The following NRG1 variants were observed in gnomAD, a reference collection of about 807,000 sequenced individuals.
NRG1 encodes the protein pro-neuregulin-1, membrane-bound isoform.
A neutral mutation model predicts 63.8 loss-of-function variants in NRG1; 18 were observed. The ratio of observed to expected loss-of-function variants is 0.28; its 90% CI spans 0.19 to 0.42. The LOEUF is 0.42. Among genes scored for constraint, NRG1 ranks in the 10% least tolerant of loss-of-function variants. NRG1 has a pLI of 1.00. For missense variants in NRG1, 762 were observed against 814.7 expected (o/e 0.94, Z 0.79); for synonymous variants, 302 against 301.3 (o/e 1.00, Z -0.02).
intron 1 of NRG1, among the ~76,000 whole-genome samples, chr8:32,586,428 A>G (rs1422003756): frequency 6.6e-6 from 1 of 152,130 alleles, no homozygotes; most frequent in Non-Finnish European, 1.5e-5. Context: ...CACCTAATAA[A>G]CCTGCATTCA....
At chr8:32,280,685 T>G (rs1468620384) in intron 1 of NRG1, among the ~76,000 whole-genome samples, 1 of 104,842 alleles carries the variant, frequency 9.5e-6, no homozygotes, top group East Asian at 2.6e-4. Context: ...ATTAGGTTTT[T>G]TTTTTGTTTT....
intron 1 of NRG1, among the ~76,000 whole-genome samples, chr8:32,362,268 A>G (rs1807321004): frequency 6.6e-6 from 1 of 152,240 alleles, no homozygotes; most frequent in Admixed American, 6.5e-5. Flanking sequence ...GAAGTAGACA[A>G]CATATCTATC....
At chr8:31,827,111 G>A (rs553558966) in intron 1 of NRG1, among the ~76,000 whole-genome samples, 1 of 152,004 alleles carries the variant, frequency 6.6e-6, no homozygotes, top group South Asian at 2.1e-4. Flanking sequence ...TCTGGTTCAG[G>A]GTACCGTAAC....
At chr8:31,678,754 T>C (rs1808002871) in intron 1 of NRG1, among the ~76,000 whole-genome samples, 1 of 148,058 alleles carries the variant, frequency 6.8e-6, no homozygotes, top group Admixed American at 6.8e-5. Context: ...TTATTTTAAG[T>C]TAAATAATCA....
chr8:32,767,909 G>A (rs1270450036), exon 12 of NRG1: 2 of 152,046 alleles, frequency 1.3e-5, no homozygotes, highest in Non-Finnish European at 2.9e-5. Flanking sequence ...TTAAAGTTTT[G>A]TCCATTTTCC....
At chr8:32,544,085 T>C (rs528066440), upstream of NRG1, among the ~76,000 whole-genome samples, 5 of 152,330 alleles carry the variant, frequency 3.3e-5, no homozygotes, top group African/African-American at 1.2e-4. Context: ...CTCCTATTTA[T>C]AGTGATATTA....
At chr8:32,589,046 C>G (rs1020166536) in intron 1 of NRG1, among the ~76,000 whole-genome samples, 1 of 152,178 alleles carries the variant, frequency 6.6e-6, no homozygotes, top group Non-Finnish European at 1.5e-5. Flanking sequence ...CCAACATCAC[C>G]CACTGCGTCA....
chr8:32,099,029 C>T lies in NRG1; in HGVS notation c.37+459598C>T, dbSNP rs1358471220. On this transcript the variant is annotated intron_variant, in intron 1 of 10. Transcript: ENST00000519301. ...CAGGAGTAAAGAGAATTTACCCAGA[C>T]AGTTGTGAGGAAAGAAAGCCATATT... Among the ~76,000 whole-genome samples, 3 of 152,164 alleles carry T rather than the reference C, an allele frequency of 2.0e-5. No homozygotes were observed. The East Asian group carries it at 5.8e-4, about 29-fold the overall frequency.
intron 1 of NRG1, among the ~76,000 whole-genome samples, chr8:31,705,869 A>G (rs1185009775): frequency 6.6e-6 from 1 of 152,232 alleles, no homozygotes; most frequent in Non-Finnish European, 1.5e-5. Context: ...ATGCCCAAGT[A>G]AAAACAATTT....
intron 5 of NRG1, among the ~76,000 whole-genome samples, chr8:32,640,058 CTGTGCTGCTCTATGCCCT>C (rs1278407773): frequency 1.3e-5 from 2 of 152,238 alleles, no homozygotes; most frequent in East Asian, 3.9e-4. Context: ...TTTCTCTGAG[CTGTGCTGCTCTATGCCCT>C]GAACGTAACT....
At chr8:31,795,091 C>T (rs34542508) in intron 1 of NRG1, among the ~76,000 whole-genome samples, 7,651 of 152,236 alleles carry the variant, frequency 0.05, 256 homozygotes, top group Admixed American at 0.11. Flanking sequence ...GTATGAGCCA[C>T]GGTGCCCAGC....
At position 32,371,932 on chromosome 8, in the gene NRG1, A is replaced by G. The variant is rs1439883612; in HGVS notation, c.38-223896A>G. On this transcript the variant is annotated intron_variant, in intron 1 of 10. Transcript: ENST00000519301. ...TGTTACTTGTAGCTGAACGCAATGAATTGTGAGATACGATTTACCACAATT... is the reference window on the plus strand; with the variant it reads ...TGTTACTTGTAGCTGAACGCAATGAGTTGTGAGATACGATTTACCACAATT... Among the ~76,000 whole-genome samples, 4 of 151,486 alleles carry G rather than the reference A, an allele frequency of 2.6e-5. No homozygotes were observed. The East Asian group carries it at 7.8e-4, about 29-fold the overall frequency.
chr8:32,471,308 G>A (rs1823817609), intron 1 of NRG1, among the ~76,000 whole-genome samples: 1 of 152,152 alleles, frequency 6.6e-6, no homozygotes, highest in Admixed American at 6.5e-5. Context: ...CTTACCTACT[G>A]CTCCTTTTAT....
intron 1 of NRG1, among the ~76,000 whole-genome samples, chr8:32,482,209 A>G (rs1446193102): frequency 6.6e-6 from 1 of 151,450 alleles, no homozygotes; most frequent in East Asian, 1.9e-4. Context: ...CTCTTCAGGA[A>G]AAAAAAAAGA....
chr8:32,748,697 G>C (rs1321928220), intron 7 of NRG1: 1 of 456,120 alleles, frequency 2.2e-6, no homozygotes, highest in African/African-American at 2.0e-5. Context: ...CTGGAGAAGT[G>C]ATTTCACTGG....
intron 1 of NRG1, among the ~76,000 whole-genome samples, chr8:32,592,647 C>G (rs1209257360): frequency 6.6e-6 from 1 of 152,008 alleles, no homozygotes; most frequent in Non-Finnish European, 1.5e-5. Context: ...AAGAGAGGGG[C>G]AAACTGATTT....
intron 1 of NRG1, among the ~76,000 whole-genome samples, chr8:31,975,286 C>T (rs975596414): frequency 6.6e-6 from 1 of 152,088 alleles, no homozygotes; most frequent in Non-Finnish European, 1.5e-5. Context: ...AAGCTCAGAT[C>T]CCCGTGTCTC....
chr8:32,105,663 C>CTA (rs201281667), intron 1 of NRG1, among the ~76,000 whole-genome samples: 1,627 of 152,090 alleles, frequency 0.011, 14 homozygotes, highest in Middle Eastern at 0.031. Context: ...ATCTTATGAT[C>CTA]TATAAAATGG....
At chr8:32,017,977 C>T (rs542896549) in intron 1 of NRG1, among the ~76,000 whole-genome samples, 2 of 152,162 alleles carry the variant, frequency 1.3e-5, no homozygotes, top group Non-Finnish European at 2.9e-5. Flanking sequence ...CCTTGGTCAT[C>T]TTTTGGTGAC....
Sources: gnomAD v4.1 joint callset for allele counts (sites outside exome capture counted in the v4.1 genomes callset) on GRCh38, gnomAD v4.1.1 for gene constraint, MANE v1.5 for transcripts, NCBI Gene and HGNC (gene_info 2026-07-23, HGNC 2026-07-21) for gene names.